The following SREK1 variants were observed in gnomAD, a reference collection of about 807,000 sequenced individuals.
SREK1 encodes splicing regulatory glutamine/lysine-rich protein 1.
Under a neutral mutation model 66.5 loss-of-function variants are expected in SREK1, and 13 were observed. That is an observed-to-expected ratio of 0.20 (90% CI 0.13 to 0.31). The LOEUF is 0.31. SREK1 is among the 10% of genes least tolerant of loss of function. The pLI, the probability that SREK1 is intolerant of heterozygous loss-of-function variation, is 1.00. For synonymous variants in SREK1, 265 were observed against 263.5 expected (o/e 1.01, Z -0.05); for missense variants, 607 against 769.6 (o/e 0.79, Z 2.50).
chr5:66,165,939 T>G (rs1745140296), intron 7 of SREK1: 1 of 152,232 alleles, frequency 6.6e-6, no homozygotes, highest in African/African-American at 2.4e-5. Flanking sequence ...ATGTTCTTTC[T>G]TAGATTCTAG....
intron 6 of SREK1, 76 bp downstream of exon 6, chr5:66,163,998 T>G (rs1166345239): frequency 8.0e-6 from 12 of 1,502,752 alleles, no homozygotes; most frequent in Non-Finnish European, 1.1e-5. Flanking sequence ...ATTTTAGAAA[T>G]CATCTTGTTC....
intron 2 of SREK1, chr5:66,157,574 T>C (rs1744395373): frequency 3.1e-6 from 3 of 966,238 alleles, no homozygotes; most frequent in Admixed American, 6.2e-5. Context: ...TATATGTGGG[T>C]ATATATAAAT....
rs768325249 is a variant in SREK1, at chr5:66,180,893, T to C, written c.*2025T>C. 4 of 152,506 alleles carry C rather than the reference T, an allele frequency of 2.6e-5. No homozygotes were observed. Among genetic ancestry groups the C allele is most frequent in the Non-Finnish European group, 4.4e-5 (3 of 68,022 alleles). 9.4% of individuals were successfully genotyped at this position (152,506 alleles called of 1,614,324 possible). ...GCTAAGTATTTTAGAGGAAAATGTT[T>C]GTTTATGCATTTCAAAAAAGCATTT... is the stretch of plus-strand genomic sequence containing the variant. On this transcript the variant is annotated 3_prime_UTR_variant, in exon 12 of 12. Transcript: ENST00000334121.
rs1233275017 is a variant in SREK1, at chr5:66,170,316, T to C, written c.1121+146T>C. 5 of 1,200,672 alleles carry C rather than the reference T, an allele frequency of 4.2e-6. No individual in the cohort carries two copies. In the Admixed American group the frequency reaches 1.4e-4, roughly 34 times the overall value. The allele number at this position is 1,200,672 out of a possible 1,614,324, so 74.4% of individuals were successfully genotyped here. Reference sequence around the variant, plus strand: ...AGAAATTAAACCTTTTTTATTGTTTTAGTAATCTAGGATTAATATTGATTG... The same window carrying C: ...AGAAATTAAACCTTTTTTATTGTTTCAGTAATCTAGGATTAATATTGATTG... On this transcript the variant is annotated intron_variant, in intron 8 of 11. Coordinates refer to ENST00000334121, the MANE Select transcript of SREK1 (RefSeq NM_001077199.3).
At position 66,174,908 on chromosome 5, in the gene SREK1, A is replaced by G. The variant is rs560561095; in HGVS notation, c.1485-38A>G. 5.4e-5 allele frequency: 86 copies of G among 1,584,756 alleles called. No individual in the cohort carries two copies. In the East Asian group the frequency reaches 1.0e-3, roughly 19 times the overall value. On this transcript the variant is annotated intron_variant, in intron 9 of 11. Coordinates refer to ENST00000334121, the MANE Select transcript of SREK1 (RefSeq NM_001077199.3). ...TATATTTGAATTGCCGTTTATTTCA[A>G]TTGCTGTTTTTAAAAATGATGTGTT...
chr5:66,177,264 A>G (rs1746134287), intron 10 of SREK1: 9 of 308,716 alleles, frequency 2.9e-5, no homozygotes, highest in Non-Finnish European at 5.3e-5. Context: ...TATGCCAAAT[A>G]GTGTTTTATG....
Position 66,144,553 on chromosome 5 carries a change from C to G in SREK1, c.161+16C>G. Reference sequence around the variant, plus strand: ...ACCCCCCGGAGTAAGTGCTGGAGCTCGGCTGGGGGAGGGGCGCGGGCGCCA... The same window carrying G: ...ACCCCCCGGAGTAAGTGCTGGAGCTGGGCTGGGGGAGGGGCGCGGGCGCCA... On this transcript the variant is annotated intron_variant, in intron 1 of 11. Coordinates refer to ENST00000334121, the MANE Select transcript of SREK1 (RefSeq NM_001077199.3). 1.3e-6 allele frequency: 2 copies of G among 1,543,754 alleles called. No individual in the cohort carries two copies. The highest frequency in any genetic ancestry group is 1.8e-6 in the Non-Finnish European group (2 of 1,142,840).
chr5:66,175,777 G>A (rs1487905876), intron 10 of SREK1, among the ~76,000 whole-genome samples: 1 of 152,074 alleles, frequency 6.6e-6, no homozygotes, highest in African/African-American at 2.4e-5. Flanking sequence ...TGTATACTCT[G>A]CCCATTTTCC....
At chr5:66,162,325 T>A (rs1335635917) in intron 4 of SREK1, 52 bp downstream of exon 4, 2 of 1,606,134 alleles carry the variant, frequency 1.2e-6, no homozygotes, top group South Asian at 2.2e-5. Context: ...TCTTTTTCTC[T>A]TCTTAAAAAT....
At chr5:66,166,669 A>G (rs1345677098) in intron 7 of SREK1, 1 of 152,014 alleles carries the variant, frequency 6.6e-6, no homozygotes, top group Non-Finnish European at 1.5e-5. Flanking sequence ...GGGTTTTATC[A>G]TACTGCCCAG....
intron 1 of SREK1, 63 bp from the exon 2 acceptor site, chr5:66,153,400 A>G: frequency 1.3e-6 from 2 of 1,563,358 alleles, no homozygotes; most frequent in Non-Finnish European, 1.7e-6. Flanking sequence ...AGAAATTTTA[A>G]GTGAAAATGA....
chr5:66,180,545 G>A lies in SREK1; in HGVS notation c.*1677G>A, dbSNP rs1268184807. ...AGTTGCCCTTGTTGCAAGTAATGAA[G>A]CCTGATTTGATTATGAAGCTGCTTA... On this transcript the variant is annotated 3_prime_UTR_variant, in exon 12 of 12. Coordinates refer to ENST00000334121, the MANE Select transcript of SREK1 (RefSeq NM_001077199.3). 1 of 152,520 alleles carries A rather than the reference G, an allele frequency of 6.6e-6. No homozygotes were observed. The highest frequency in any genetic ancestry group is 1.5e-5 in the Non-Finnish European group (1 of 67,998). 9.4% of individuals were successfully genotyped at this position (152,520 alleles called of 1,614,324 possible). A position where few individuals can be genotyped will look rare whatever the true frequency, so the allele number is the denominator to read the frequency against.
At chr5:66,153,084 AATG>A (rs1327155450) in intron 1 of SREK1, among the ~76,000 whole-genome samples, 1 of 152,200 alleles carries the variant, frequency 6.6e-6, no homozygotes, top group Non-Finnish European at 1.5e-5. Context: ...GAAGAGTTGG[AATG>A]ATGATAAAAT....
intron 11 of SREK1, among the ~76,000 whole-genome samples, chr5:66,177,946 T>G (rs1303685607): frequency 2.0e-5 from 3 of 152,106 alleles, no homozygotes; most frequent in Non-Finnish European, 4.4e-5. Flanking sequence ...AGATAGGATT[T>G]CTGCCTGATG....
At chr5:66,165,256 A>T (rs569836327) in intron 7 of SREK1, 9 of 162,870 alleles carry the variant, frequency 5.5e-5, no homozygotes, top group African/African-American at 2.2e-4. Flanking sequence ...CCATGCTGAA[A>T]ATAATTGCTC....
In SREK1 at chr5:66,182,941, A is replaced by C. The variant is rs1746610982; in HGVS notation, c.*4073A>C. On this transcript the variant is annotated 3_prime_UTR_variant, in exon 12 of 12. Coordinates refer to ENST00000334121, the MANE Select transcript of SREK1 (RefSeq NM_001077199.3). ...ATTCAGTCAGTTGGATTTAGTAACT[A>C]ATAACTAGCTTTCTTCCATTCTAAG... The C allele has an allele frequency of 6.6e-6, 1 of 152,214 alleles. No individual in the cohort carries two copies. The highest frequency in any genetic ancestry group is 1.5e-5 in the Non-Finnish European group (1 of 68,040). The allele number at this position is 152,214 out of a possible 1,614,324, so 9.4% of individuals were successfully genotyped here. A position where few individuals can be genotyped will look rare whatever the true frequency, so the allele number is the denominator to read the frequency against.
Position 66,144,345 on chromosome 5 carries a change from G to C in SREK1, c.-32G>C. Reference sequence around the variant, plus strand: ...CGTCGCTGACGCGTCGTAGACGTTGGGGAGCGGGAAGGCAACGGCAGCGGG... The same window carrying C: ...CGTCGCTGACGCGTCGTAGACGTTGCGGAGCGGGAAGGCAACGGCAGCGGG... On this transcript the variant is annotated 5_prime_UTR_variant, in exon 1 of 12. Coordinates refer to ENST00000334121, the MANE Select transcript of SREK1 (RefSeq NM_001077199.3). 1 of 1,501,874 alleles carries C rather than the reference G, an allele frequency of 6.7e-7. No homozygotes were observed. Among genetic ancestry groups the C allele is most frequent in the Non-Finnish European group, 9.0e-7 (1 of 1,109,704 alleles). 93.0% of individuals were successfully genotyped at this position (1,501,874 alleles called of 1,614,324 possible). A position where few individuals can be genotyped will look rare whatever the true frequency, so the allele number is the denominator to read the frequency against.
At chr5:66,153,412 A>T in intron 1 of SREK1, 51 bp from the exon 2 acceptor site, 1 of 1,577,852 alleles carries the variant, frequency 6.3e-7, no homozygotes, top group South Asian at 1.2e-5. Context: ...TGAAAATGAT[A>T]AAACCAAGCA....
intron 1 of SREK1, among the ~76,000 whole-genome samples, chr5:66,145,639 C>T (rs2111900157): frequency 6.6e-6 from 1 of 151,924 alleles, no homozygotes; most frequent in East Asian, 1.9e-4. Context: ...TGGAATATTT[C>T]ATGCATACAG....
Sources: allele counts gnomAD v4.1 joint callset (sites outside exome capture counted in the v4.1 genomes callset), GRCh38; gene constraint gnomAD v4.1.1; transcripts MANE v1.5; gene names NCBI Gene and HGNC (gene_info 2026-07-23, HGNC 2026-07-21).